The following MID1 variants were observed in gnomAD, a reference collection of about 807,000 sequenced individuals.
MID1 encodes the protein midline 1.
Under a neutral mutation model 40.4 loss-of-function variants are expected in MID1, and 7 were observed. The observed-to-expected ratio is 0.17, with a 90% CI of 0.10 to 0.33. The LOEUF is 0.33. Ranked by LOEUF, MID1 falls within the 10% of genes least tolerant of loss-of-function variation. The pLI is 1.00. For missense variants in MID1, 367 were observed against 558.5 expected, an observed-to-expected ratio of 0.66 and a Z score of 3.46; for synonymous variants, 229 against 221.2, an observed-to-expected ratio of 1.04 and a Z score of -0.31.
chrX:10,808,800 G>A (rs1223557598), intron 1 of MID1, among the ~76,000 whole-genome samples: 39 of 111,929 alleles, frequency 3.5e-4, no homozygotes, highest in Admixed American at 1.7e-3. Flanking sequence ...AGACTTAAAT[G>A]TAAGACCTAA....
chrX:10,720,835 T>G (rs1266160296), intron 1 of MID1, among the ~76,000 whole-genome samples: 1 of 110,213 alleles, frequency 9.1e-6, no homozygotes, highest in Non-Finnish European at 1.9e-5. Flanking sequence ...TAAGAAAATG[T>G]GGCACATATA....
rs187992229 is a variant in MID1, at chrX:10,628,261, A to C, written c.-186-7842T>G. ...CAAAATAAACATATTTAGTCATGGCAAGAAAAAAATGCAAACATGGGTATC... is the reference window on the plus strand; with the variant it reads ...CAAAATAAACATATTTAGTCATGGCCAGAAAAAAATGCAAACATGGGTATC... On this transcript the variant is annotated intron_variant, in intron 1 of 10. Coordinates refer to the MID1 transcript ENST00000380785. 5.4e-3 allele frequency among the ~76,000 whole-genome samples: 595 copies of C among 111,032 alleles called. 7 individuals are homozygous for C. The highest frequency in any genetic ancestry group is 0.017 in the African/African-American group (535 of 30,581).
intron 2 of MID1, among the ~76,000 whole-genome samples, chrX:10,563,121 T>C (rs1297081297): frequency 8.9e-6 from 1 of 111,943 alleles, no homozygotes; most frequent in African/African-American, 3.2e-5. Flanking sequence ...GAATGAAATC[T>C]CATGTCTTCA....
At chrX:10,659,209 C>T in intron 1 of MID1, among the ~76,000 whole-genome samples, 1 of 111,756 alleles carries the variant, frequency 8.9e-6, no homozygotes, top group Admixed American at 9.5e-5. Context: ...GCTTGGCGAC[C>T]CCTGGGGTCT....
chrX:10,715,231 C>G (rs2043292931), intron 1 of MID1, among the ~76,000 whole-genome samples: 1 of 112,198 alleles, frequency 8.9e-6, no homozygotes, highest in African/African-American at 3.2e-5. Context: ...CGAGCCTGAG[C>G]TGAAGCAGGG....
intron 1 of MID1, among the ~76,000 whole-genome samples, chrX:10,795,931 C>A (rs190056651): frequency 9.0e-6 from 1 of 111,536 alleles, no homozygotes; most frequent in Non-Finnish European, 1.9e-5. Flanking sequence ...GTCTAAATCT[C>A]GTGACCCATA....
intron 1 of MID1, among the ~76,000 whole-genome samples, chrX:10,648,586 C>T (rs979839060): frequency 1.8e-5 from 2 of 111,984 alleles, no homozygotes; most frequent in Non-Finnish European, 3.8e-5. Context: ...TAAGATATAT[C>T]TACCTCATTG....
At chrX:10,534,533 T>C (rs1409612316) in intron 2 of MID1, among the ~76,000 whole-genome samples, 3 of 112,186 alleles carry the variant, frequency 2.7e-5, no homozygotes, top group African/African-American at 9.7e-5. Flanking sequence ...CCTTTTTTTC[T>C]ATAGGAATTT....
chrX:10,497,203 T>C (rs894062318), intron 3 of MID1, among the ~76,000 whole-genome samples: 1 of 112,396 alleles, frequency 8.9e-6, no homozygotes, highest in Non-Finnish European at 1.9e-5. Context: ...TGACTACAAC[T>C]GAGTTATGAA....
intron 1 of MID1, among the ~76,000 whole-genome samples, chrX:10,701,769 C>T (rs1473645470): frequency 8.9e-6 from 1 of 112,000 alleles, no homozygotes; most frequent in African/African-American, 3.3e-5. Flanking sequence ...GTCTCCTAAG[C>T]CAGATTGAGT....
intron 1 of MID1, among the ~76,000 whole-genome samples, chrX:10,713,425 G>A (rs1002356780): frequency 9.1e-6 from 1 of 109,685 alleles, no homozygotes; most frequent in Non-Finnish European, 1.9e-5. Flanking sequence ...CAGTGCTCAG[G>A]CAGTCCTCCC....
At chrX:10,553,264 T>TA (rs773193264) in intron 2 of MID1, among the ~76,000 whole-genome samples, 10,753 of 104,191 alleles carry the variant, frequency 0.1, 1,038 homozygotes, top group African/African-American at 0.3. Flanking sequence ...AAAAAAGAAA[T>TA]AAAAAAAATA....
intron 1 of MID1, among the ~76,000 whole-genome samples, chrX:10,813,913 T>C (rs779554884): frequency 9.0e-4 from 101 of 111,773 alleles, no homozygotes; most frequent in African/African-American, 3.0e-3. Flanking sequence ...GTTTTCCGCT[T>C]CATGAGTCAG....
intron 3 of MID1, among the ~76,000 whole-genome samples, chrX:10,503,675 T>C (rs1453151024): frequency 2.7e-5 from 3 of 111,950 alleles, no homozygotes; most frequent in Non-Finnish European, 5.6e-5. Context: ...GGAAAATTAT[T>C]TGGACCAGAG....
chrX:10,644,608 G>A (rs1936242502), intron 1 of MID1, among the ~76,000 whole-genome samples: 1 of 111,284 alleles, frequency 9.0e-6, no homozygotes, highest in African/African-American at 3.3e-5. Flanking sequence ...AAGAATCCTA[G>A]TTAGAACAGA....
chrX:10,583,574 G>A (rs1407536152), intron 1 of MID1, among the ~76,000 whole-genome samples: 1 of 112,326 alleles, frequency 8.9e-6, no homozygotes, highest in Non-Finnish European at 1.9e-5. Context: ...AAAATGGAAT[G>A]TGATGAATTA....
intron 4 of MID1, among the ~76,000 whole-genome samples, chrX:10,491,705 C>A (rs941715289): frequency 3.6e-5 from 4 of 111,657 alleles, no homozygotes; most frequent in African/African-American, 1.3e-4. Flanking sequence ...ATTTTAGTGT[C>A]AAAAAACTAT....
At chrX:10,571,526 A>G (rs1423265133) in intron 1 of MID1, among the ~76,000 whole-genome samples, 4 of 107,137 alleles carry the variant, frequency 3.7e-5, no homozygotes, top group African/African-American at 1.4e-4. Context: ...TCTTTCACCA[A>G]ATACTTAAGT....
intron 1 of MID1, among the ~76,000 whole-genome samples, chrX:10,820,375 A>G (rs1303915924): frequency 8.9e-6 from 1 of 112,050 alleles, no homozygotes; most frequent in Non-Finnish European, 1.9e-5. Flanking sequence ...GTTAATGTGA[A>G]TCTATGATTC....
Sources: gnomAD v4.1 joint callset for allele counts (sites outside exome capture counted in the v4.1 genomes callset) on GRCh38, gnomAD v4.1.1 for gene constraint, MANE v1.5 for transcripts, NCBI Gene and HGNC (gene_info 2026-07-23, HGNC 2026-07-21) for gene names.